The following SNX25 variants were observed in gnomAD, a reference collection of about 807,000 sequenced individuals.
SNX25 encodes the protein sorting nexin-25.
A neutral mutation model predicts 113.7 loss-of-function variants in SNX25; 62 were observed. The ratio of observed to expected loss-of-function variants is 0.55; its 90% CI spans 0.44 to 0.67. The LOEUF is 0.67. Ranked by LOEUF, SNX25 falls within the 30% of genes least tolerant of loss-of-function variation. SNX25 has a pLI of 0.00. For missense variants in SNX25, 1,014 were observed against 1,161.0 expected (o/e 0.87, Z 1.84); for synonymous variants, 421 against 436.2 (o/e 0.97, Z 0.43).
intron 1 of SNX25, among the ~76,000 whole-genome samples, chr4:185,216,524 T>G (rs923458618): frequency 8.2e-5 from 12 of 147,228 alleles, no homozygotes; most frequent in Non-Finnish European, 1.3e-4. Flanking sequence ...TTTTTTTTTT[T>G]TTTTTTTTTT....
intron 13 of SNX25, among the ~76,000 whole-genome samples, chr4:185,349,834 G>A (rs950261029): frequency 6.6e-6 from 1 of 152,142 alleles, no homozygotes; most frequent in Non-Finnish European, 1.5e-5. Context: ...CTATTAATAT[G>A]CTGATTGTAT....
At chr4:185,367,174 T>C (rs764144122), downstream of SNX25, 26 of 1,609,308 alleles carry the variant, frequency 1.6e-5, no homozygotes, top group African/African-American at 6.7e-5. Context: ...TGAAATACAT[T>C]GTGGTCTAAA....
rs113177919 is a variant in SNX25, at chr4:185,289,393, T to C, written c.1162+1311T>C. ...GGAGGCTAATTCTGCATTCAGTTAG[T>C]TGGGGAAGACCTCACTCAGATGGTG... On this transcript the variant is annotated intron_variant, in intron 6 of 18. Transcript: ENST00000652585. Among the ~76,000 whole-genome samples the C allele has an allele frequency of 5.1e-3, 770 of 152,194 alleles. 3 individuals are homozygous for C. The highest frequency in any genetic ancestry group is 0.017 in the African/African-American group (694 of 41,528).
chr4:185,254,732 C>G (rs948617675), intron 2 of SNX25, among the ~76,000 whole-genome samples: 3 of 152,176 alleles, frequency 2.0e-5, no homozygotes, highest in East Asian at 1.9e-4. Flanking sequence ...TTCATTCTCT[C>G]TCATCTCCAG....
At chr4:185,236,385 C>T (rs547683211) in intron 1 of SNX25, among the ~76,000 whole-genome samples, 35 of 152,218 alleles carry the variant, frequency 2.3e-4, no homozygotes, top group African/African-American at 8.2e-4. Context: ...AAAGACTCCC[C>T]TGTGAAGCAA....
chr4:185,292,884 C>T (rs961216036), intron 6 of SNX25, among the ~76,000 whole-genome samples: 1 of 152,204 alleles, frequency 6.6e-6, no homozygotes, highest in Non-Finnish European at 1.5e-5. Flanking sequence ...CACTGTACTC[C>T]AGCCTGGGTG....
intron 10 of SNX25, among the ~76,000 whole-genome samples, chr4:185,333,903 C>A (rs2126709587): frequency 6.6e-6 from 1 of 151,416 alleles, no homozygotes; most frequent in South Asian, 2.1e-4. Context: ...AAAAAATCAG[C>A]CCAGCATGGT....
chr4:185,230,282 A>G (rs895049543), intron 1 of SNX25, among the ~76,000 whole-genome samples: 1 of 152,192 alleles, frequency 6.6e-6, no homozygotes, highest in Non-Finnish European at 1.5e-5. Flanking sequence ...CAAATGAAAT[A>G]TTATAATTAT....
chr4:185,342,182 TAAGA>T (rs1645874566), intron 12 of SNX25, 66 bp downstream of exon 12: 6 of 1,423,974 alleles, frequency 4.2e-6, no homozygotes, highest in Non-Finnish European at 5.6e-6. Flanking sequence ...ATTTTACACA[TAAGA>T]AAGCTGATTA....
chr4:185,346,628 A>C lies in SNX25; in HGVS notation c.2279A>C (p.Asn760Thr). The C allele has an allele frequency of 6.3e-7, 1 of 1,582,250 alleles. No individual in the cohort carries two copies. The highest frequency in any genetic ancestry group is 8.5e-7 in the Non-Finnish European group (1 of 1,170,440). ...IDQKFMEKSK[N>T]QLNKFLQNLL... Reference sequence around the variant, plus strand: ...CAAAAGTTTATGGAAAAGTCGAAGAATCAATTAAATAAGTTTTTACAGGTA... The same window carrying C: ...CAAAAGTTTATGGAAAAGTCGAAGACTCAATTAAATAAGTTTTTACAGGTA... Residue 760 changes from asparagine (N) to threonine (T), a missense_variant, in exon 13 of 19, where the codon AAT (asparagine) becomes ACT (threonine). Physicochemically the swap from Asn to Thr is moderately conservative, Grantham distance 65 (BLOSUM62 0). Transcript: ENST00000652585.
At chr4:185,301,543 A>G (rs923479118) in intron 6 of SNX25, among the ~76,000 whole-genome samples, 1 of 147,500 alleles carries the variant, frequency 6.8e-6, no homozygotes, top group Admixed American at 6.7e-5. Flanking sequence ...AGGCGCCTGC[A>G]CTGTGTATCT....
intron 5 of SNX25, among the ~76,000 whole-genome samples, chr4:185,284,161 GA>G (rs1436658775): frequency 1.3e-5 from 2 of 152,166 alleles, no homozygotes; most frequent in Admixed American, 6.5e-5. Flanking sequence ...TAGTTGGGGT[GA>G]AAAAAGTAGC....
At chr4:185,240,164 C>T (rs368737933) in intron 1 of SNX25, among the ~76,000 whole-genome samples, 181 of 151,948 alleles carry the variant, frequency 1.2e-3, no homozygotes, top group East Asian at 3.5e-3. Flanking sequence ...CCATGTCTAC[C>T]TCTTTCTACA....
intron 1 of SNX25, among the ~76,000 whole-genome samples, chr4:185,236,369 G>GAA (rs34417344): frequency 6.6e-6 from 1 of 151,574 alleles, no homozygotes; most frequent in Non-Finnish European, 1.5e-5. Context: ...CCTGACTGAA[G>GAA]AAAAAAAAGA....
intron 3 of SNX25, among the ~76,000 whole-genome samples, chr4:185,262,076 C>A (rs1747411475): frequency 6.6e-6 from 1 of 152,180 alleles, no homozygotes; most frequent in South Asian, 2.1e-4. Flanking sequence ...GTGTGCAGAT[C>A]TCTAGTGGCT....
chr4:185,296,549 TG>T (rs1161482283), intron 6 of SNX25, among the ~76,000 whole-genome samples: 1 of 152,164 alleles, frequency 6.6e-6, no homozygotes, highest in African/African-American at 2.4e-5. Context: ...AAATTAAGTA[TG>T]ATTTTAAAAA....
At chr4:185,257,159 AAC>A (rs1746569234) in intron 2 of SNX25, among the ~76,000 whole-genome samples, 1 of 147,958 alleles carries the variant, frequency 6.8e-6, no homozygotes, top group Middle Eastern at 3.4e-3. Context: ...AGCCAAATCA[AAC>A]AGTGTTTGAA....
At chr4:185,338,656 T>C (rs1233963205) in intron 10 of SNX25, among the ~76,000 whole-genome samples, 1 of 152,228 alleles carries the variant, frequency 6.6e-6, no homozygotes, top group African/African-American at 2.4e-5. Flanking sequence ...TTAATTGTTA[T>C]ATATAGGGTT....
chr4:185,244,060 C>T (rs370110555), intron 1 of SNX25, among the ~76,000 whole-genome samples: 2 of 152,100 alleles, frequency 1.3e-5, no homozygotes, highest in East Asian at 1.9e-4. Flanking sequence ...TGCAGTGGTG[C>T]AGTCCTGGGT....
Sources: gnomAD v4.1 joint callset for allele counts (sites outside exome capture counted in the v4.1 genomes callset) on GRCh38, gnomAD v4.1.1 for gene constraint, MANE v1.5 for transcripts, NCBI Gene and HGNC (gene_info 2026-07-23, HGNC 2026-07-21) for gene names.